SLC9B1: variants seen among roughly 807,000 people sequenced by gnomAD.
The protein encoded by SLC9B1 is sodium/hydrogen exchanger 9B1.
Under a neutral mutation model 51.7 loss-of-function variants are expected in SLC9B1, and 32 were observed. The observed-to-expected ratio is 0.62, with a 90% confidence interval of 0.47 to 0.83. The LOEUF (loss-of-function observed/expected upper bound fraction) is 0.83. SLC9B1 is among the 40% of genes least tolerant of loss of function. SLC9B1 has a pLI of 0.00. For missense variants in SLC9B1, 406 were observed against 613.2 expected (o/e 0.66, Z 3.57); for synonymous variants, 145 against 212.7 (o/e 0.68, Z 2.77).
intron 3 of SLC9B1, among the ~76,000 whole-genome samples, chr4:102,986,336 G>A (rs1038108807): frequency 6.7e-6 from 1 of 150,258 alleles, no homozygotes; most frequent in African/African-American, 2.5e-5. Context: ...ATGAGAAGTT[G>A]GATGTAATTC....
chr4:102,909,317 C>T (rs113625228), intron 9 of SLC9B1, among the ~76,000 whole-genome samples: 2 of 150,822 alleles, frequency 1.3e-5, no homozygotes, highest in African/African-American at 4.9e-5. Context: ...AAAGTCATTT[C>T]TAGGACTCTA....
intron 7 of SLC9B1, among the ~76,000 whole-genome samples, chr4:102,928,701 C>A (rs1048041027): frequency 6.6e-6 from 1 of 151,944 alleles, no homozygotes; most frequent in African/African-American, 2.4e-5. Context: ...TTGAATCACA[C>A]CATCACAAAG....
chr4:102,989,549 ATCCCAAAAAT>A (rs1739834984), intron 3 of SLC9B1, among the ~76,000 whole-genome samples: 1 of 151,980 alleles, frequency 6.6e-6, no homozygotes, highest in Non-Finnish European at 1.5e-5. Context: ...GATGTTTCTA[ATCCCAAAAAT>A]TTAACATAAA....
chr4:103,010,088 G>T (rs948583203), intron 1 of SLC9B1, among the ~76,000 whole-genome samples: 1 of 152,034 alleles, frequency 6.6e-6, no homozygotes, highest in Admixed American at 6.6e-5. Flanking sequence ...AACCGTTTTC[G>T]GGTGCCTAGA....
intron 3 of SLC9B1, among the ~76,000 whole-genome samples, chr4:102,954,057 A>C (rs1737653580): frequency 2.2e-5 from 1 of 46,510 alleles, no homozygotes; most frequent in Admixed American, 2.8e-4. Flanking sequence ...GCTGGTTTTC[A>C]AAGGGAATGC....
intron 3 of SLC9B1, among the ~76,000 whole-genome samples, chr4:102,979,470 T>A (rs2110508369): frequency 6.6e-6 from 1 of 152,276 alleles, no homozygotes; most frequent in South Asian, 2.1e-4. Context: ...CATGATAGTG[T>A]TTTTGAGGCA....
intron 1 of SLC9B1, among the ~76,000 whole-genome samples, chr4:103,011,418 C>T (rs1741081317): frequency 6.6e-6 from 1 of 152,140 alleles, no homozygotes; most frequent in South Asian, 2.1e-4. Flanking sequence ...GTCGCTCTCC[C>T]AGGCAGGAAT....
intron 7 of SLC9B1, among the ~76,000 whole-genome samples, chr4:102,923,685 T>C (rs1736002444): frequency 9.6e-6 from 1 of 104,096 alleles, no homozygotes; most frequent in African/African-American, 4.6e-5. Context: ...GCCCAAAATC[T>C]CCTTAAGCTA....
chr4:102,893,204 T>C (rs548492521), intron 11 of SLC9B1, among the ~76,000 whole-genome samples: 6 of 134,900 alleles, frequency 4.4e-5, no homozygotes, highest in African/African-American at 1.7e-4. Flanking sequence ...ATCGCTTGAA[T>C]CCAGGAGGCA....
intron 3 of SLC9B1, among the ~76,000 whole-genome samples, chr4:102,983,125 T>C (rs560426788): frequency 1.3e-5 from 2 of 152,286 alleles, no homozygotes; most frequent in East Asian, 3.9e-4. Flanking sequence ...GTCAGATACC[T>C]TTCTGCATCT....
chr4:102,922,912 T>G (rs1162242198), intron 7 of SLC9B1, among the ~76,000 whole-genome samples: 1 of 151,896 alleles, frequency 6.6e-6, no homozygotes, highest in Non-Finnish European at 1.5e-5. Flanking sequence ...AGGCAATAAT[T>G]AATAGCCTAC....
At chr4:102,902,862 G>A (rs1169146233) in intron 11 of SLC9B1, among the ~76,000 whole-genome samples, 1 of 152,006 alleles carries the variant, frequency 6.6e-6, no homozygotes, top group Non-Finnish European at 1.5e-5. Flanking sequence ...TCAGTAACTC[G>A]AAACTGAAGA....
chr4:102,960,457 A>G (rs1243036333), intron 3 of SLC9B1, among the ~76,000 whole-genome samples: 1 of 152,050 alleles, frequency 6.6e-6, no homozygotes, highest in African/African-American at 2.4e-5. Context: ...TGTGAGTTAT[A>G]TTGAAGAATT....
At chr4:102,946,550 T>A in intron 5 of SLC9B1, 97 bp downstream of exon 5, 4 of 1,352,332 alleles carry the variant, frequency 3.0e-6, no homozygotes, top group Non-Finnish European at 2.0e-6. Flanking sequence ...TTACAGACTC[T>A]ATTTGGAACA....
At chr4:102,979,632 G>C (rs1362782909) in intron 3 of SLC9B1, among the ~76,000 whole-genome samples, 1 of 152,072 alleles carries the variant, frequency 6.6e-6, no homozygotes. Context: ...CTCCACTAAT[G>C]GAACTATGTT....
chr4:102,888,805 A>C (rs1346479475), intron 11 of SLC9B1: 3 of 152,208 alleles, frequency 2.0e-5, no homozygotes, highest in Non-Finnish European at 4.4e-5. Context: ...TTCTGTTGTA[A>C]AAGAGTTACC....
At position 102,993,224 on chromosome 4, in the gene SLC9B1, C is replaced by T. The variant is rs142315835; in HGVS notation, c.-1-1512G>A. Among the ~76,000 whole-genome samples, 820 of 152,304 alleles carry T rather than the reference C, an allele frequency of 5.4e-3. 8 individuals carry two copies. Among genetic ancestry groups the T allele is most frequent in the Middle Eastern group, 0.034 (10 of 294 alleles). ...AAGTCTTGTCTGAGACAAGGCAAGT[C>T]GCTTCTGCCTATGAGCCTATAAAAT... On this transcript the variant is annotated intron_variant, in intron 1 of 11. Coordinates refer to ENST00000296422, the MANE Select transcript of SLC9B1 (RefSeq NM_139173.4).
In SLC9B1 at chr4:102,971,292, C is replaced by A. The variant is rs1738748751; in HGVS notation, c.211+18508G>T. On this transcript the variant is annotated intron_variant, in intron 3 of 11. Coordinates refer to ENST00000296422, the MANE Select transcript of SLC9B1 (RefSeq NM_139173.4). ...ACAGAAATCACAACAAACTGTCTCC[C>A]AGACCACAGTGCAATCAAATTAGAA... 3.3e-5 allele frequency among the ~76,000 whole-genome samples: 5 copies of A among 152,262 alleles called. No individual in the cohort carries two copies. In the South Asian group the frequency reaches 1.0e-3, roughly 32 times the overall value.
chr4:102,911,464 T>A lies in SLC9B1; in HGVS notation c.903A>T (p.Gly301=). 1 of 1,596,790 alleles carries A rather than the reference T, an allele frequency of 6.3e-7. No homozygotes were observed. Among genetic ancestry groups the A allele is most frequent in the Non-Finnish European group, 8.5e-7 (1 of 1,179,382 alleles). Residue 301 remains glycine (G), a synonymous_variant, in exon 8 of 12, where the codon GGA becomes GGT. Transcript: ENST00000296422. The part of the protein sequence containing the change: ...CISLLAGIVL[G]FFVRYFPSED... ...CACTTGGAAAATATCGAACAAAAAA[T>A]CCCAAAACAATTCCTGCCAGCAGAC...
Sources: allele counts gnomAD v4.1 joint callset (sites outside exome capture counted in the v4.1 genomes callset), GRCh38; gene constraint gnomAD v4.1.1; transcripts MANE v1.5; gene names NCBI Gene and HGNC (gene_info 2026-07-23, HGNC 2026-07-21).